The following MCM3 variants were observed in gnomAD, a reference collection of about 807,000 sequenced individuals.
The protein encoded by MCM3 is DNA replication licensing factor MCM3.
MCM3 carries 59 observed loss-of-function variants against 91.3 expected under a neutral mutation model. The observed-to-expected ratio is 0.65, with a 90% CI of 0.52 to 0.80. The LOEUF (loss-of-function observed/expected upper bound fraction) is 0.80. Among genes scored for constraint, MCM3 ranks in the 30% least tolerant of loss-of-function variants. MCM3 has a pLI of 0.00. For missense variants in MCM3, 919 were observed against 1,035.4 expected (o/e 0.89, Z 1.54); for synonymous variants, 383 against 379.6 (o/e 1.01, Z -0.10).
chr6:52,271,365 G>A (rs754529516), intron 12 of MCM3, among the ~76,000 whole-genome samples: 8 of 152,016 alleles, frequency 5.3e-5, no homozygotes, highest in South Asian at 2.1e-4. Flanking sequence ...AATTTGGGCC[G>A]GGCATGGTGG....
chr6:52,276,705 C>T (rs1204605055), intron 8 of MCM3, among the ~76,000 whole-genome samples: 1 of 152,170 alleles, frequency 6.6e-6, no homozygotes, highest in African/African-American at 2.4e-5. Flanking sequence ...TAACTAGCTT[C>T]TCACAAATTT....
In MCM3 at chr6:52,264,455, T is replaced by A; in HGVS notation, c.*133A>T. On this transcript the variant is annotated 3_prime_UTR_variant, in exon 17 of 17. Coordinates refer to ENST00000596288, the MANE Select transcript of MCM3 (RefSeq NM_002388.6). ...CCACCGAGTCCTGAACTCAGCTTCA[T>A]CACCAACATTCCTCGCCTTCAGTTG... The A allele has an allele frequency of 2.1e-6, 2 of 964,782 alleles. No homozygotes were observed. Among genetic ancestry groups the A allele is most frequent in the South Asian group, 3.1e-5 (2 of 63,864 alleles). 59.8% of individuals were successfully genotyped at this position (964,782 alleles called of 1,614,324 possible).
intron 7 of MCM3, 29 bp from the exon 8 acceptor site, chr6:52,277,227 T>G: frequency 6.2e-7 from 1 of 1,602,346 alleles, no homozygotes; most frequent in East Asian, 2.2e-5. Context: ...GATGACTCTC[T>G]AGGAAACTCC....
intron 12 of MCM3, among the ~76,000 whole-genome samples, chr6:52,269,714 A>T (rs939931093): frequency 6.6e-6 from 1 of 152,258 alleles, no homozygotes; most frequent in Admixed American, 6.5e-5. Context: ...ACGTAACTTC[A>T]GTAAACTCAG....
In MCM3 at chr6:52,282,756, G is replaced by A. The variant is rs766283094; in HGVS notation, c.297C>T (p.Tyr99=). The change falls in exon 3 of 17, where the codon TAC becomes TAT. Residue 99 remains tyrosine (Y), a synonymous_variant. Coordinates refer to ENST00000596288, the MANE Select transcript of MCM3 (RefSeq NM_002388.6). ...AGCCAAAGCTGCCTTCCAGTCCTAC[G>A]TAGAACTCCTCATACTGCTTGGCAT... The part of the protein sequence containing the change: ...ATYAKQYEEF[Y]VGLEGSFGSK... 1.4e-5 allele frequency: 23 copies of A among 1,613,900 alleles called. No individual in the cohort carries two copies. Among genetic ancestry groups the A allele is most frequent in the African/African-American group, 2.7e-5 (2 of 74,896 alleles).
At chr6:52,268,276 A>C (rs1212544259) in intron 13 of MCM3, among the ~76,000 whole-genome samples, 1 of 152,214 alleles carries the variant, frequency 6.6e-6, no homozygotes, top group African/African-American at 2.4e-5. Flanking sequence ...TTCCTTATAA[A>C]TCAGGTGTCT....
chr6:52,282,852 G>C lies in MCM3; in HGVS notation c.201C>G (p.Asn67Lys), dbSNP rs914617526. ...KNEKRANRLL[N>K]NAFEELVAFQ... Reference sequence around the variant, plus strand: ...AGGCAACCAGCTCCTCAAAGGCATTGTTCAGAAGCCTGTACATAAGCAAGA... The same window carrying C: ...AGGCAACCAGCTCCTCAAAGGCATTCTTCAGAAGCCTGTACATAAGCAAGA... Residue 67 changes from asparagine (N) to lysine (K), a missense_variant, in exon 3 of 17, where the codon AAC becomes AAG. Asn to Lys is a moderately conservative substitution (Grantham distance 94). Transcript: ENST00000596288. 1 of 1,613,894 alleles carries C rather than the reference G, an allele frequency of 6.2e-7. No homozygotes were observed. Among genetic ancestry groups the C allele is most frequent in the African/African-American group, 1.3e-5 (1 of 74,996 alleles).
chr6:52,264,594 G>A lies in MCM3; in HGVS notation c.2421C>T (p.Leu807=), dbSNP rs1479242790. 8.7e-6 allele frequency: 14 copies of A among 1,614,084 alleles called. No individual in the cohort carries two copies. The highest frequency in any genetic ancestry group is 2.2e-5 in the East Asian group (1 of 44,896). The change falls in exon 17 of 17, where the codon CTC becomes CTT. Residue 807 remains leucine (L), a synonymous_variant. Coordinates refer to ENST00000596288, the MANE Select transcript of MCM3 (RefSeq NM_002388.6). The stretch of plus-strand genomic sequence containing the variant: ...GTTCAGAGACGAGGCCTCCTCAGAT[G>A]AGGAAGATGATGCCCTCAGACACCA... ...QVMVSEGIIF[L]I is the part of the protein sequence containing the mutation.
chr6:52,264,759 C>A lies in MCM3; in HGVS notation c.2256G>T (p.Leu752Phe). ...GCGCATGAGCTTCCCGGAACACATCCAAGAGGGCCACCTTGAATGCCTTCA... is the reference window on the plus strand; with the variant it reads ...GCGCATGAGCTTCCCGGAACACATCAAAGAGGGCCACCTTGAATGCCTTCA... ...SRLKAFKVAL[L>F]DVFREAHAQS... The change falls in exon 17 of 17, where the codon TTG becomes TTT. Residue 752 changes from leucine (L) to phenylalanine (F), a missense_variant. Around this residue, in one of 3 missense-constraint regions of MCM3, gnomAD observed 285 missense variants for 311.4 expected, o/e 0.92. Coordinates refer to ENST00000596288, the MANE Select transcript of MCM3 (RefSeq NM_002388.6). 6.2e-7 allele frequency: 1 copy of A among 1,614,056 alleles called. No homozygotes were observed. Among genetic ancestry groups the A allele is most frequent in the Non-Finnish European group, 8.5e-7 (1 of 1,180,036 alleles).
intron 1 of MCM3, 110 bp downstream of exon 1, chr6:52,284,487 G>T: frequency 2.1e-6 from 2 of 967,826 alleles, no homozygotes; most frequent in Non-Finnish European, 3.0e-6. Flanking sequence ...GGCCCGGCAG[G>T]CTCCGCTGCG....
intron 14 of MCM3, among the ~76,000 whole-genome samples, chr6:52,267,454 C>T (rs193278214): frequency 6.6e-6 from 1 of 151,962 alleles, no homozygotes; most frequent in East Asian, 1.9e-4. Flanking sequence ...CCATGAACAA[C>T]CTGACATCAA....
At position 52,278,835 on chromosome 6, in the gene MCM3, G is replaced by A. The variant is rs1765808029; in HGVS notation, c.786C>T (p.Ala262=). The change falls in exon 6 of 17, where the codon GCC becomes GCT. Residue 262 remains alanine, a synonymous_variant. Transcript: ENST00000596288. The part of the protein sequence containing the change: ...TSGTFRTVLI[A]CNVKQMSKDA... ...CCTTGCTCATCTGCTTAACATTACA[G>A]GCAATCAGGACAGTCCTGGGACAAA... 6.2e-7 allele frequency: 1 copy of A among 1,612,682 alleles called. No individual in the cohort carries two copies. Among genetic ancestry groups the A allele is most frequent in the East Asian group, 2.2e-5 (1 of 44,868 alleles).
At chr6:52,282,905 C>CA (rs766497989) in intron 2 of MCM3, 44 bp from the exon 3 acceptor site, 3 of 1,402,046 alleles carry the variant, frequency 2.1e-6, no homozygotes, top group South Asian at 2.4e-5. Context: ...GGGCAGAACT[C>CA]AAAAAAATGG....
intron 9 of MCM3, among the ~76,000 whole-genome samples, chr6:52,275,004 TCCTCCCACCTCAG>T (rs1312264305): frequency 6.6e-6 from 1 of 152,116 alleles, no homozygotes; most frequent in Non-Finnish European, 1.5e-5. Context: ...GCTCAAGTGA[TCCTCCCACCTCAG>T]CCTCCCAAAG....
chr6:52,281,496 C>A (rs376337439), intron 4 of MCM3, among the ~76,000 whole-genome samples: 26 of 151,788 alleles, frequency 1.7e-4, no homozygotes, highest in African/African-American at 5.1e-4. Flanking sequence ...GGCAACATAG[C>A]GAGACCCTGT....
At chr6:52,271,028 C>G (rs17246471) in intron 12 of MCM3, among the ~76,000 whole-genome samples, 8,042 of 152,080 alleles carry the variant, frequency 0.053, 313 homozygotes, top group Middle Eastern at 0.1. Flanking sequence ...CTGGTCAACA[C>G]AGTGAAACCC....
chr6:52,278,623 G>A (rs1765791355), intron 6 of MCM3, 119 bp downstream of exon 6: 2 of 617,240 alleles, frequency 3.2e-6, no homozygotes, highest in South Asian at 4.9e-5. Context: ...GACAAAAATA[G>A]AAAAAGCTAA....
intron 9 of MCM3, 115 bp downstream of exon 9, chr6:52,276,150 TTAC>T: frequency 1.1e-6 from 1 of 897,178 alleles, no homozygotes; most frequent in Non-Finnish European, 1.7e-6. Context: ...GAAAATGGCC[TTAC>T]TTTTAGTCTT....
intron 13 of MCM3, among the ~76,000 whole-genome samples, chr6:52,268,437 A>T (rs1316037069): frequency 3.9e-5 from 6 of 152,222 alleles, no homozygotes; most frequent in African/African-American, 1.4e-4. Flanking sequence ...GGACGAGTTT[A>T]TCAGACTCAC....
Sources: allele counts gnomAD v4.1 joint callset (sites outside exome capture counted in the v4.1 genomes callset), GRCh38; gene constraint gnomAD v4.1.1; regional missense constraint gnomAD v4.1.1; transcripts MANE v1.5; gene names NCBI Gene and HGNC (gene_info 2026-07-23, HGNC 2026-07-21).